The following CHN1 variants were observed in gnomAD, a reference collection of about 807,000 sequenced individuals.
CHN1 encodes N-chimaerin.
CHN1 carries 37 observed loss-of-function variants against 59.5 expected under a neutral mutation model. That is an observed-to-expected ratio of 0.62 (90% CI 0.48 to 0.82). The LOEUF (loss-of-function observed/expected upper bound fraction) is 0.82, where lower values mean the gene tolerates loss of function less well. CHN1 is among the 40% of genes least tolerant of loss of function. The pLI is 0.00. For missense variants in CHN1, 469 were observed against 571.0 expected (o/e 0.82, Z 1.82); for synonymous variants, 206 against 200.4 (o/e 1.03, Z -0.24).
At chr2:174,819,770 C>T (rs918371647) in intron 8 of CHN1, among the ~76,000 whole-genome samples, 24 of 149,512 alleles carry the variant, frequency 1.6e-4, no homozygotes, top group Admixed American at 1.3e-3. Flanking sequence ...CCTATTAACT[C>T]GTCATTTAGC....
At chr2:174,955,212 T>C (rs1175213503) in intron 1 of CHN1, among the ~76,000 whole-genome samples, 1 of 42,704 alleles carries the variant, frequency 2.3e-5, no homozygotes, top group Non-Finnish European at 4.2e-5. Flanking sequence ...TTGATATATA[T>C]ATATATCTAT....
chr2:174,800,400 C>T (rs1684682738), intron 12 of CHN1, 113 bp from the exon 13 acceptor site: 1 of 695,166 alleles, frequency 1.4e-6, no homozygotes, highest in Non-Finnish European at 2.2e-6. Context: ...CGCTTATCAA[C>T]TCTTCCACTA....
At chr2:174,802,059 C>T (rs535658572) in intron 11 of CHN1, 29 of 371,046 alleles carry the variant, frequency 7.8e-5, no homozygotes, top group Non-Finnish European at 1.2e-4. Flanking sequence ...AGTTTTGTCA[C>T]TTGAGTATCT....
intron 7 of CHN1, among the ~76,000 whole-genome samples, chr2:174,833,792 C>CAA (rs1486659102): frequency 2.8e-5 from 3 of 108,274 alleles, no homozygotes; most frequent in African/African-American, 1.0e-4. Context: ...AGAACATACA[C>CAA]ATCTTTTTTT....
At chr2:174,898,328 G>T (rs913505595) in intron 5 of CHN1, among the ~76,000 whole-genome samples, 1 of 152,130 alleles carries the variant, frequency 6.6e-6, no homozygotes, top group East Asian at 1.9e-4. Flanking sequence ...CTGGCCAGGC[G>T]CAGTGGCTCA....
intron 3 of CHN1, 144 bp from the exon 4 acceptor site, chr2:174,918,709 C>G (rs1310455251): frequency 3.3e-6 from 2 of 605,254 alleles, no homozygotes; most frequent in East Asian, 6.2e-5. Context: ...GTTCTACCAG[C>G]AGGTTACCTG....
intron 7 of CHN1, among the ~76,000 whole-genome samples, chr2:174,843,686 C>T (rs1156548407): frequency 1.3e-5 from 2 of 148,646 alleles, no homozygotes; most frequent in Non-Finnish European, 3.0e-5. Flanking sequence ...AAATAAATGT[C>T]AGTATAGATT....
chr2:174,801,110 C>T lies in CHN1; in HGVS notation c.1208+597G>A, dbSNP rs567560465. 3.3e-5 allele frequency among the ~76,000 whole-genome samples: 5 copies of T among 152,280 alleles called. No individual in the cohort carries two copies. The East Asian group carries it at 5.8e-4, about 18-fold the overall frequency. On this transcript the variant is annotated intron_variant, in intron 12 of 12. Transcript: ENST00000409900. ...AATCTTTGCTTCAACTGATAGAGAT[C>T]GAGGGTGACCAAGTAGGGAGTAAAG...
intron 2 of CHN1, among the ~76,000 whole-genome samples, chr2:174,947,286 CAG>C (rs765964572): frequency 4.6e-5 from 7 of 152,062 alleles, no homozygotes; most frequent in Non-Finnish European, 5.9e-5. Flanking sequence ...TTGCTTTCAT[CAG>C]AGTTTCAAAG....
intron 1 of CHN1, among the ~76,000 whole-genome samples, chr2:174,954,008 A>G (rs980608627): frequency 1.3e-5 from 2 of 152,196 alleles, no homozygotes; most frequent in Admixed American, 1.3e-4. Flanking sequence ...AAAAAGAACA[A>G]ATCTGAAGGC....
At chr2:175,003,077 T>A (rs1691939859) in intron 1 of CHN1, among the ~76,000 whole-genome samples, 1 of 152,170 alleles carries the variant, frequency 6.6e-6, no homozygotes, top group Non-Finnish European at 1.5e-5. Context: ...CCTTCCCCCA[T>A]GTCTTTGGGC....
intron 5 of CHN1, among the ~76,000 whole-genome samples, chr2:174,900,643 T>G (rs1055287224): frequency 6.6e-6 from 1 of 151,814 alleles, no homozygotes; most frequent in African/African-American, 2.4e-5. Flanking sequence ...GCGTCTCTAC[T>G]AAAAATACAA....
intron 5 of CHN1, among the ~76,000 whole-genome samples, chr2:174,903,125 A>G (rs1294108553): frequency 6.6e-6 from 1 of 152,190 alleles, no homozygotes; most frequent in Non-Finnish European, 1.5e-5. Context: ...ATTAAATAAC[A>G]ACTACATTTA....
intron 5 of CHN1, among the ~76,000 whole-genome samples, chr2:174,905,705 C>T (rs1688524492): frequency 6.6e-6 from 1 of 152,042 alleles, no homozygotes; most frequent in African/African-American, 2.4e-5. Flanking sequence ...GCTGGGACTA[C>T]AGCTACCATG....
At chr2:174,865,034 G>C (rs1016005267) in intron 6 of CHN1, among the ~76,000 whole-genome samples, 2 of 152,124 alleles carry the variant, frequency 1.3e-5, no homozygotes, top group African/African-American at 4.8e-5. Flanking sequence ...TTCATGAAGA[G>C]AGGACAGCAT....
At chr2:174,809,421 C>T (rs542280053) in intron 10 of CHN1, among the ~76,000 whole-genome samples, 19 of 152,250 alleles carry the variant, frequency 1.2e-4, no homozygotes, top group African/African-American at 4.6e-4. Context: ...CATGGCACCT[C>T]GTCTATGCTC....
rs535483976 is a variant in CHN1 at position 174,941,344 on chromosome 2, T to G, written c.114+3544A>C. The stretch of plus-strand genomic sequence containing the variant: ...AGTCCCTGGAAATATTCATTCTTAC[T>G]GGGGCTTCTAGGCCCTTTCCTTGGA... On this transcript the variant is annotated intron_variant, in intron 3 of 12. Coordinates refer to ENST00000409900, the MANE Select transcript of CHN1 (RefSeq NM_001822.7). 3.9e-4 allele frequency among the ~76,000 whole-genome samples: 59 copies of G among 152,320 alleles called. No homozygotes were observed. The South Asian group carries it at 0.012, about 30-fold the overall frequency.
intron 5 of CHN1, among the ~76,000 whole-genome samples, chr2:174,905,641 T>C (rs966498055): frequency 7.2e-5 from 11 of 152,076 alleles, no homozygotes; most frequent in African/African-American, 2.7e-4. Context: ...CTAGGCTCAC[T>C]GCAAACTCCA....
At chr2:174,984,969 C>T (rs1691290928) in intron 1 of CHN1, among the ~76,000 whole-genome samples, 1 of 152,148 alleles carries the variant, frequency 6.6e-6, no homozygotes, top group Non-Finnish European at 1.5e-5. Context: ...CTCTAAAATA[C>T]ATGGTTATAA....
Sources: gnomAD v4.1 joint callset for allele counts (sites outside exome capture counted in the v4.1 genomes callset) on GRCh38, gnomAD v4.1.1 for gene constraint, MANE v1.5 for transcripts, NCBI Gene and HGNC (gene_info 2026-07-23, HGNC 2026-07-21) for gene names.